Variants in USH2A observed in about 807,000 individuals in gnomAD.
USH2A encodes the protein usherin, also known as Usher syndrome 2A (autosomal recessive, mild).
In USH2A, 443 loss-of-function variants were observed where a neutral mutation model predicts 538.9. The ratio of observed to expected loss-of-function variants is 0.82; its 90% CI spans 0.76 to 0.89. The LOEUF (loss-of-function observed/expected upper bound fraction) is 0.89. Among genes scored for constraint, USH2A ranks in the 40% least tolerant of loss-of-function variants. USH2A has a pLI of 0.00. For synonymous variants in USH2A, 2,413 were observed against 2,273.5 expected, an observed-to-expected ratio of 1.06 and a Z score of -1.75; for missense variants, 6,633 against 6,324.8, an observed-to-expected ratio of 1.05 and a Z score of -1.65.
rs202075825 is a variant in USH2A, at chr1:216,072,945, G to A, written c.5801C>T (p.Ser1934Leu). The A allele has an allele frequency of 5.0e-6, 8 of 1,613,814 alleles. No individual in the cohort carries two copies. Among genetic ancestry groups the A allele is most frequent in the African/African-American group, 2.7e-5 (2 of 74,962 alleles). The change falls in exon 29 of 72, where the codon TCG becomes TTG. Residue 1934 changes from serine to leucine, a missense_variant. Physicochemically the swap from Ser to Leu is moderately radical, Grantham distance 145. Transcript: ENST00000307340. ...ACTATATACTGAACCTCCTTCATGCGAGGCTATCACTCGATACAGGTATTC... is the reference window on the plus strand; with the variant it reads ...ACTATATACTGAACCTCCTTCATGCAAGGCTATCACTCGATACAGGTATTC... ...FTEYLYRVIA[S>L]HEGGSVYSDW...
At chr1:216,356,543 T>C (rs1418316287) in intron 4 of USH2A, among the ~76,000 whole-genome samples, 1 of 152,068 alleles carries the variant, frequency 6.6e-6, no homozygotes, top group Non-Finnish European at 1.5e-5. Context: ...ATATGTATGT[T>C]TATAACATAT....
intron 35 of USH2A, among the ~76,000 whole-genome samples, chr1:215,986,805 C>A (rs919050639): frequency 6.6e-6 from 1 of 152,070 alleles, no homozygotes; most frequent in East Asian, 1.9e-4. Context: ...TGGTATTGTC[C>A]CTATCATCGG....
chr1:216,225,922 ATGGG>A (rs1364812095), intron 14 of USH2A, among the ~76,000 whole-genome samples: 1 of 152,134 alleles, frequency 6.6e-6, no homozygotes, highest in African/African-American at 2.4e-5. Flanking sequence ...AGGCATCTGA[ATGGG>A]TGATCATGTG....
chr1:216,051,619 G>A (rs575196840), intron 30 of USH2A, among the ~76,000 whole-genome samples: 1 of 152,296 alleles, frequency 6.6e-6, no homozygotes, highest in South Asian at 2.1e-4. Flanking sequence ...TGGAATATGA[G>A]GCTAGTTTCC....
intron 3 of USH2A, among the ~76,000 whole-genome samples, chr1:216,374,843 C>T (rs1400352042): frequency 3.3e-5 from 5 of 151,994 alleles, no homozygotes. Context: ...ATGTTCTAGG[C>T]TCATTTTGTA....
chr1:216,039,371 C>T (rs2102518575), intron 32 of USH2A, among the ~76,000 whole-genome samples: 1 of 152,048 alleles, frequency 6.6e-6, no homozygotes, highest in South Asian at 2.1e-4. Context: ...CAATTTAATA[C>T]TATATGACTG....
intron 26 of USH2A, among the ~76,000 whole-genome samples, chr1:216,081,251 A>G (rs906049309): frequency 1.3e-5 from 2 of 152,142 alleles, no homozygotes; most frequent in Non-Finnish European, 2.9e-5. Flanking sequence ...AGTTAACTAG[A>G]AAGTGGGCTA....
At chr1:215,854,899 G>T (rs905666221) in intron 44 of USH2A, among the ~76,000 whole-genome samples, 1 of 152,194 alleles carries the variant, frequency 6.6e-6, no homozygotes, top group African/African-American at 2.4e-5. Context: ...CTTGCCCCCA[G>T]GTAGCCTTTT....
intron 34 of USH2A, 83 bp downstream of exon 34, chr1:215,998,802 TGA>T: frequency 7.0e-7 from 1 of 1,432,978 alleles, no homozygotes; most frequent in Non-Finnish European, 9.7e-7. Context: ...TTTTTTTAAG[TGA>T]GAGAGAAAGA....
chr1:215,866,074 T>C (rs1238451204), intron 44 of USH2A, among the ~76,000 whole-genome samples: 1 of 152,184 alleles, frequency 6.6e-6, no homozygotes, highest in Non-Finnish European at 1.5e-5. Flanking sequence ...CTTTCATAAA[T>C]AAAATGTTTT....
chr1:216,196,584 G>A lies in USH2A; in HGVS notation c.4220C>T (p.Pro1407Leu). The change falls in exon 19 of 72, where the codon CCT becomes CTT. Residue 1407 changes from proline to leucine, a missense_variant. Physicochemically the swap from Pro to Leu is moderately conservative, Grantham distance 98 (BLOSUM62 -3). Transcript: ENST00000307340. ...YDINMLSEQSPQQSIPMAFSQ... is the reference protein window; with the variant it reads ...YDINMLSEQSLQQSIPMAFSQ... ...AAACGCCATGGGAATAGACTGTTGA[G>A]GTGATTGTTCAGAAAGCATATTGAT... The A allele has an allele frequency of 1.2e-6, 2 of 1,613,508 alleles. No homozygotes were observed. Among genetic ancestry groups the A allele is most frequent in the Non-Finnish European group, 1.7e-6 (2 of 1,179,630 alleles).
intron 34 of USH2A, among the ~76,000 whole-genome samples, chr1:215,996,107 CGCCATGTTG>C (rs1668129542): frequency 1.3e-5 from 2 of 152,110 alleles, no homozygotes; most frequent in Admixed American, 6.5e-5. Flanking sequence ...GATGGGTTTT[CGCCATGTTG>C]GCCAGGCTGG....
Position 216,423,249 on chromosome 1 carries a change from G to A in USH2A, c.-240C>T. The A allele has an allele frequency of 6.6e-6, 1 of 152,186 alleles. No individual in the cohort carries two copies. The highest frequency in any genetic ancestry group is 1.9e-4 in the East Asian group (1 of 5,186). 9.4% of individuals were successfully genotyped at this position (152,186 alleles called of 1,614,324 possible). On this transcript the variant is annotated 5_prime_UTR_variant, in exon 1 of 72. Coordinates refer to ENST00000307340, the MANE Select transcript of USH2A (RefSeq NM_206933.4). ...TTGCATTTCAACCAGTCCCCTCAGT[G>A]TGACAAATGGCTCTTCAACAGGACC...
rs114893347 is a variant in USH2A, at chr1:215,919,477, G to A, written c.7300+15139C>T. Reference sequence around the variant, plus strand: ...AGCTCTTACAGCTAGTAGGAGGGGGGAAATTAAGATTTGAACCAAGTCCCA... The same window carrying A: ...AGCTCTTACAGCTAGTAGGAGGGGGAAAATTAAGATTTGAACCAAGTCCCA... On this transcript the variant is annotated intron_variant, in intron 38 of 71. Transcript: ENST00000307340. Among the ~76,000 whole-genome samples, 1,489 of 152,070 alleles carry A rather than the reference G, an allele frequency of 9.8e-3. 19 individuals carry two copies. The highest frequency in any genetic ancestry group is 0.035 in the African/African-American group (1,436 of 41,510).
At chr1:216,125,398 T>C (rs2102598005) in intron 21 of USH2A, among the ~76,000 whole-genome samples, 1 of 152,284 alleles carries the variant, frequency 6.6e-6, no homozygotes, top group South Asian at 2.1e-4. Flanking sequence ...TGCCATGTTC[T>C]AGACATACAC....
chr1:215,624,950 C>T lies in USH2A; in HGVS notation c.*831G>A, dbSNP rs1342187438. On this transcript the variant is annotated 3_prime_UTR_variant, in exon 72 of 72. Coordinates refer to ENST00000307340, the MANE Select transcript of USH2A (RefSeq NM_206933.4). ...GAAGATGTCAGTATTCTCTGATATT[C>T]AGTGAATTGACAGAATTTTATGAGA... The T allele has an allele frequency of 6.6e-6, 1 of 152,016 alleles. No individual in the cohort carries two copies. 9.4% of individuals were successfully genotyped at this position (152,016 alleles called of 1,614,324 possible). A position where few individuals can be genotyped will look rare whatever the true frequency, so the allele number is the denominator to read the frequency against.
chr1:216,184,305 G>A (rs560659869), intron 20 of USH2A, among the ~76,000 whole-genome samples: 1 of 151,994 alleles, frequency 6.6e-6, no homozygotes, highest in African/African-American at 2.4e-5. Flanking sequence ...GCAGCTCTTC[G>A]AAGAGGCTTT....
At chr1:216,343,652 AG>A (rs1160907056) in intron 4 of USH2A, among the ~76,000 whole-genome samples, 1 of 151,946 alleles carries the variant, frequency 6.6e-6, no homozygotes, top group East Asian at 1.9e-4. Context: ...ATATGATAAC[AG>A]CCTTTCATTA....
At chr1:216,163,742 A>G (rs2034112399) in intron 21 of USH2A, among the ~76,000 whole-genome samples, 1 of 151,992 alleles carries the variant, frequency 6.6e-6, no homozygotes, top group Non-Finnish European at 1.5e-5. Context: ...AAAACCTGGC[A>G]TGTATACCAG....
Sources: gnomAD v4.1 joint callset for allele counts (sites outside exome capture counted in the v4.1 genomes callset) on GRCh38, gnomAD v4.1.1 for gene constraint, MANE v1.5 for transcripts, NCBI Gene and HGNC (gene_info 2026-07-23, HGNC 2026-07-21) for gene names.